MTR: variants seen among roughly 807,000 people sequenced by gnomAD.
MTR encodes the protein methionine synthase.
A neutral mutation model predicts 154.8 loss-of-function variants in MTR; 84 were observed. The observed-to-expected ratio is 0.54, with a 90% CI of 0.45 to 0.65. MTR has a LOEUF of 0.65. Among genes scored for constraint, MTR ranks in the 30% least tolerant of loss-of-function variants. The pLI is 0.00. For missense variants in MTR, 1,275 were observed against 1,570.2 expected (o/e 0.81, Z 3.18); for synonymous variants, 554 against 553.9 (o/e 1.00, Z 0.00).
At chr1:236,857,635 A>C (rs187959398) in intron 18 of MTR, among the ~76,000 whole-genome samples, 1 of 152,196 alleles carries the variant, frequency 6.6e-6, no homozygotes, top group Non-Finnish European at 1.5e-5. Flanking sequence ...CATTCATTTG[A>C]CTGAACTTAG....
At chr1:236,864,783 T>C (rs1664737326) in intron 22 of MTR, among the ~76,000 whole-genome samples, 1 of 152,242 alleles carries the variant, frequency 6.6e-6, no homozygotes, top group South Asian at 2.1e-4. Flanking sequence ...TAAAATTCAC[T>C]TCAGTTAATG....
intron 10 of MTR, 141 bp downstream of exon 10, chr1:236,825,540 G>A: frequency 1.2e-6 from 1 of 849,566 alleles, no homozygotes; most frequent in Non-Finnish European, 2.0e-6. Context: ...CCCAAATTAA[G>A]GTACTAGAGG....
intron 11 of MTR, among the ~76,000 whole-genome samples, chr1:236,828,041 G>A (rs925263055): frequency 1.3e-5 from 2 of 151,954 alleles, no homozygotes; most frequent in Non-Finnish European, 2.9e-5. Flanking sequence ...GCAGTGGTGC[G>A]ATCTCGGCTC....
At chr1:236,852,404 T>C (rs1402835893) in intron 16 of MTR, 117 bp from the exon 17 acceptor site, 8 of 797,478 alleles carry the variant, frequency 1.0e-5, no homozygotes, top group Non-Finnish European at 1.7e-5. Flanking sequence ...TGAATTACTT[T>C]GAACTTCGGA....
chr1:236,820,220 A>G, intron 8 of MTR: 1 of 757,394 alleles, frequency 1.3e-6, no homozygotes, highest in African/African-American at 1.7e-5. Context: ...CACTTGCGGG[A>G]GGTCATGCCT....
intron 15 of MTR, among the ~76,000 whole-genome samples, chr1:236,849,589 A>G (rs12563688): frequency 0.36 from 54,354 of 151,954 alleles, 10,464 homozygotes; most frequent in East Asian, 0.43. Flanking sequence ...ACGGGTTTCA[A>G]AAACACCAAA....
chr1:236,878,433 A>G (rs1665550415), intron 24 of MTR, among the ~76,000 whole-genome samples: 1 of 152,174 alleles, frequency 6.6e-6, no homozygotes, highest in South Asian at 2.1e-4. Flanking sequence ...TGGCTTTTCC[A>G]GACATCAGTG....
At chr1:236,857,823 G>A (rs1300208175) in intron 18 of MTR, among the ~76,000 whole-genome samples, 1 of 152,200 alleles carries the variant, frequency 6.6e-6, no homozygotes, top group African/African-American at 2.4e-5. Flanking sequence ...AGATGGTCAG[G>A]GAAAGCTTCC....
intron 25 of MTR, among the ~76,000 whole-genome samples, chr1:236,882,415 G>C (rs556552784): frequency 6.8e-6 from 1 of 148,038 alleles, no homozygotes; most frequent in Non-Finnish European, 1.5e-5. Flanking sequence ...TTTTGAGACG[G>C]ATTGTTGCCC....
chr1:236,888,894 G>T (rs577223915), intron 27 of MTR, among the ~76,000 whole-genome samples: 1 of 152,146 alleles, frequency 6.6e-6, no homozygotes, highest in Non-Finnish European at 1.5e-5. Context: ...GGATTAACCC[G>T]TCTGTCTTTC....
intron 15 of MTR, among the ~76,000 whole-genome samples, chr1:236,849,839 G>A (rs972016226): frequency 1.3e-5 from 2 of 152,174 alleles, no homozygotes; most frequent in African/African-American, 4.8e-5. Flanking sequence ...GCATATCCTT[G>A]AATATGCTTA....
At chr1:236,812,963 C>T (rs1661388429) in intron 6 of MTR, 119 bp downstream of exon 6, 2 of 811,768 alleles carry the variant, frequency 2.5e-6, no homozygotes, top group Admixed American at 2.0e-5. Flanking sequence ...TGTATTTGCT[C>T]CATTTTATTC....
At chr1:236,852,816 T>C in intron 17 of MTR, 132 bp from the exon 18 acceptor site, 2 of 1,184,628 alleles carry the variant, frequency 1.7e-6, no homozygotes, top group East Asian at 4.8e-5. Context: ...ATGCTGTAAC[T>C]ACAAAGTTGA....
rs1663973571 is a variant in MTR at position 236,852,585 on chromosome 1, T to C, written c.1760T>C (p.Met587Thr). The C allele has an allele frequency of 1.2e-6, 2 of 1,614,090 alleles. No individual in the cohort carries two copies. The highest frequency in any genetic ancestry group is 2.2e-5 in the East Asian group (1 of 44,878). Residue 587 changes from methionine to threonine, a missense_variant, in exon 17 of 33, where the codon ATG becomes ACG. Coordinates refer to ENST00000366577, the MANE Select transcript of MTR (RefSeq NM_000254.3). ...LSNLSFSFRG[M>T]EAIREAMHGV... ...AACTTGTCCTTCTCCTTCCGAGGAATGGAAGCCATTCGAGAAGCAATGCAT... is the reference window on the plus strand; with the variant it reads ...AACTTGTCCTTCTCCTTCCGAGGAACGGAAGCCATTCGAGAAGCAATGCAT...
At chr1:236,874,991 T>C (rs777771294) in intron 24 of MTR, 145 bp downstream of exon 24, 7 of 981,088 alleles carry the variant, frequency 7.1e-6, no homozygotes, top group Non-Finnish European at 1.1e-5. Context: ...CATTTTCTGG[T>C]GTTCACTTGG....
At chr1:236,890,018 A>C (rs1393250929) in intron 28 of MTR, among the ~76,000 whole-genome samples, 1 of 152,114 alleles carries the variant, frequency 6.6e-6, no homozygotes, top group Non-Finnish European at 1.5e-5. Flanking sequence ...GAGACACGGA[A>C]TCCAAATGCA....
At position 236,859,987 on chromosome 1, in the gene MTR, G is replaced by A. The variant is rs1664427661; in HGVS notation, c.2043+65G>A. 5 of 1,419,888 alleles carry A rather than the reference G, an allele frequency of 3.5e-6. No individual in the cohort carries two copies. The Admixed American group carries it at 5.1e-5, about 15-fold the overall frequency. 88.0% of individuals were successfully genotyped at this position (1,419,888 alleles called of 1,614,324 possible). On this transcript the variant is annotated intron_variant, in intron 19 of 32. Coordinates refer to ENST00000366577, the MANE Select transcript of MTR (RefSeq NM_000254.3). ...TCATGGCTGACTGATCCTGTTGTGG[G>A]CGGTGTGACAGTAGCTGGAGAAGGA...
Position 236,897,084 on chromosome 1 carries a change from A to C in MTR, c.3677A>C (p.Lys1226Thr), listed in dbSNP as rs777562650. Residue 1226 changes from lysine (K) to threonine (T), a missense_variant, in exon 32 of 33, where the codon AAA becomes ACA. Lys to Thr is a moderately conservative substitution (Grantham distance 78). Coordinates refer to ENST00000366577, the MANE Select transcript of MTR (RefSeq NM_000254.3). ...CTCTACTTCTCCAATTTGAAGTCCA[A>C]ATATTTTGCTGTGGGGAAGATTTCC... ...SGLYFSNLKS[K>T]YFAVGKISKD... The C allele has an allele frequency of 9.3e-6, 15 of 1,613,866 alleles. No individual in the cohort carries two copies. The Middle Eastern group carries it at 6.6e-4, about 71-fold the overall frequency.
At chr1:236,831,073 A>G (rs1662583207) in intron 12 of MTR, among the ~76,000 whole-genome samples, 1 of 151,968 alleles carries the variant, frequency 6.6e-6, no homozygotes. Context: ...GTCTTTGTAA[A>G]CTCAGAGGCA....
Sources: allele counts gnomAD v4.1 joint callset (sites outside exome capture counted in the v4.1 genomes callset), GRCh38; gene constraint gnomAD v4.1.1; transcripts MANE v1.5; gene names NCBI Gene and HGNC (gene_info 2026-07-23, HGNC 2026-07-21).